ACOT8: variants seen among roughly 807,000 people sequenced by gnomAD.
ACOT8 encodes the protein acyl-coenzyme A thioesterase 8.
ACOT8 carries 31 observed loss-of-function variants against 38.4 expected under a neutral mutation model. That is an observed-to-expected ratio of 0.81 (90% CI 0.61 to 1.09). ACOT8 has a LOEUF of 1.09. Among genes scored for constraint, ACOT8 ranks in the 50% least tolerant of loss-of-function variants. The probability of loss-of-function intolerance (pLI) is 0.00; values close to 1 mark genes in which losing one functional copy is unlikely to be tolerated. For missense variants in ACOT8, 373 were observed against 421.8 expected (o/e 0.88, Z 1.01); for synonymous variants, 158 against 170.3 (o/e 0.93, Z 0.56).
Position 45,849,414 on chromosome 20 carries a change from G to C in ACOT8, c.263-739C>G, listed in dbSNP as rs77885779. Among the ~76,000 whole-genome samples the C allele has an allele frequency of 5.1e-3, 765 of 150,450 alleles. 3 individuals are homozygous for C. The highest frequency in any genetic ancestry group is 0.017 in the African/African-American group (693 of 40,292). On this transcript the variant is annotated intron_variant, in intron 2 of 5. Transcript: ENST00000217455. ...ATTCCTGTGACTCAGCCTCCTGAGT[G>C]GGGGGGGACTACAGGGGTGCATGAC...
intron 4 of ACOT8, 57 bp downstream of exon 4, chr20:45,844,206 A>G (rs1984493433): frequency 6.2e-7 from 1 of 1,608,090 alleles, no homozygotes. Flanking sequence ...GCCACACAGC[A>G]AATGAGTGGT....
At chr20:45,844,226 GGA>G (rs1184378500) in intron 4 of ACOT8, 35 bp downstream of exon 4, 1 of 1,613,716 alleles carries the variant, frequency 6.2e-7, no homozygotes, top group African/African-American at 1.3e-5. Context: ...TAGACCCCTT[GGA>G]GAGTGGTTTC....
chr20:45,844,578 CCTT>C (rs1035917879), intron 3 of ACOT8, among the ~76,000 whole-genome samples, 158 bp from the exon 4 acceptor site: 18 of 152,084 alleles, frequency 1.2e-4, no homozygotes, highest in Non-Finnish European at 2.4e-4. Context: ...CGTTTGAATC[CCTT>C]CTTGGCCACT....
chr20:45,852,619 A>G (rs1363364008), intron 2 of ACOT8, among the ~76,000 whole-genome samples: 1 of 152,192 alleles, frequency 6.6e-6, no homozygotes, highest in African/African-American at 2.4e-5. Flanking sequence ...GCTTAGCCAA[A>G]TTTTTTGACA....
At chr20:45,845,320 C>T (rs1355817324) in intron 3 of ACOT8, among the ~76,000 whole-genome samples, 1 of 152,110 alleles carries the variant, frequency 6.6e-6, no homozygotes. Flanking sequence ...AATTCCTGAC[C>T]TCATGATCCG....
chr20:45,844,081 A>G (rs1343552640), intron 4 of ACOT8, 182 bp downstream of exon 4: 1 of 925,992 alleles, frequency 1.1e-6, no homozygotes, highest in Non-Finnish European at 1.7e-6. Flanking sequence ...GATTATAGTC[A>G]TCTCCACCTT....
At chr20:45,857,160 G>C (rs185359168) in intron 1 of ACOT8, 28 bp downstream of exon 1, 13 of 1,603,666 alleles carry the variant, frequency 8.1e-6, no homozygotes, top group Admixed American at 1.7e-5. Flanking sequence ...CCTAAAGGAG[G>C]GGATGCTGGG....
chr20:45,854,670 T>C (rs1194960281), intron 2 of ACOT8, among the ~76,000 whole-genome samples: 1 of 152,014 alleles, frequency 6.6e-6, no homozygotes, highest in Non-Finnish European at 1.5e-5. Context: ...CATGGTAAAT[T>C]ATGGACAAAA....
At position 45,854,420 on chromosome 20, in the gene ACOT8, T is replaced by C. The variant is rs142565280; in HGVS notation, c.262+739A>G. ...AGAGACGGGGTTTCACCGTGTTAGC[T>C]AGGATGGTCCCGATCTCCTGACCTC... On this transcript the variant is annotated intron_variant, in intron 2 of 5. Transcript: ENST00000217455. Among the ~76,000 whole-genome samples the C allele has an allele frequency of 5.2e-3, 786 of 152,204 alleles. 3 individuals are homozygous for C. The highest frequency in any genetic ancestry group is 0.016 in the East Asian group (83 of 5,180).
At chr20:45,854,224 C>G (rs891228372) in intron 2 of ACOT8, among the ~76,000 whole-genome samples, 1 of 89,382 alleles carries the variant, frequency 1.1e-5, no homozygotes, top group African/African-American at 3.2e-5. Context: ...CAGAGTCTCG[C>G]TCTGTTGCCC....
intron 5 of ACOT8, chr20:45,842,439 T>A: frequency 1.8e-6 from 2 of 1,097,282 alleles, no homozygotes; most frequent in Non-Finnish European, 2.2e-6. Flanking sequence ...CGGCTCCCTG[T>A]ATAATAAATC....
At chr20:45,848,360 T>C (rs2145767043) in intron 3 of ACOT8, 90 bp downstream of exon 3, 3 of 1,127,468 alleles carry the variant, frequency 2.7e-6, no homozygotes, top group Non-Finnish European at 3.8e-6. Flanking sequence ...TTAAAAATGC[T>C]GGTCAAGACC....
intron 2 of ACOT8, among the ~76,000 whole-genome samples, chr20:45,854,391 T>C (rs1368003474): frequency 6.6e-6 from 1 of 152,154 alleles, no homozygotes; most frequent in Non-Finnish European, 1.5e-5. Flanking sequence ...TTTATATTTT[T>C]AGTAGAGACG....
chr20:45,851,802 T>G (rs1985080997), intron 2 of ACOT8, among the ~76,000 whole-genome samples: 1 of 152,236 alleles, frequency 6.6e-6, no homozygotes, highest in Non-Finnish European at 1.5e-5. Flanking sequence ...TTTGCTGACC[T>G]TGTTCTGAAT....
chr20:45,844,022 C>T, intron 4 of ACOT8: 1 of 784,356 alleles, frequency 1.3e-6, no homozygotes. Flanking sequence ...AGCTGGACAA[C>T]AACCCCAGCG....
intron 2 of ACOT8, 23 bp from the exon 3 acceptor site, chr20:45,848,698 G>A (rs1354712963): frequency 1.3e-6 from 2 of 1,578,140 alleles, no homozygotes; most frequent in Admixed American, 1.7e-5. Flanking sequence ...CAAGGACACA[G>A]TGGGTCCACA....
intron 3 of ACOT8, among the ~76,000 whole-genome samples, chr20:45,844,880 A>G (rs1049275032): frequency 3.3e-5 from 5 of 152,058 alleles, no homozygotes; most frequent in African/African-American, 1.2e-4. Context: ...AAAATTGGAG[A>G]GACAGGATTT....
rs533462811 is a variant in ACOT8, at chr20:45,845,234, G to A, written c.489-814C>T. On this transcript the variant is annotated intron_variant, in intron 3 of 5. Coordinates refer to ENST00000217455, the MANE Select transcript of ACOT8 (RefSeq NM_005469.4). ...CTCCCGAGTAGCTGGGATTACAGGC[G>A]CCTGCCACCATGCCCAGCTAATTTT... 3.3e-3 allele frequency among the ~76,000 whole-genome samples: 500 copies of A among 152,108 alleles called. 5 individuals are homozygous for A. Among genetic ancestry groups the A allele is most frequent in the African/African-American group, 0.012 (478 of 41,516 alleles).
intron 2 of ACOT8, among the ~76,000 whole-genome samples, chr20:45,852,970 T>C (rs1985158947): frequency 6.6e-6 from 1 of 152,000 alleles, no homozygotes; most frequent in Non-Finnish European, 1.5e-5. Context: ...GGTTTCACCA[T>C]GTTGCCCAGG....
Sources: gnomAD v4.1 joint callset for allele counts (sites outside exome capture counted in the v4.1 genomes callset) on GRCh38, gnomAD v4.1.1 for gene constraint, MANE v1.5 for transcripts, NCBI Gene and HGNC (gene_info 2026-07-23, HGNC 2026-07-21) for gene names.